TSPAN18: variants seen among roughly 807,000 people sequenced by gnomAD.
The protein encoded by TSPAN18 is tetraspanin-18.
Under a neutral mutation model 27.3 loss-of-function variants are expected in TSPAN18, and 14 were observed. That is an observed-to-expected ratio of 0.51 (90% confidence interval 0.34 to 0.80). The LOEUF is 0.80. Ranked by LOEUF, TSPAN18 falls within the 30% of genes least tolerant of loss-of-function variation. The pLI is 0.01. For synonymous variants in TSPAN18, 143 were observed against 136.5 expected (o/e 1.05, Z -0.33); for missense variants, 268 against 323.9 (o/e 0.83, Z 1.32).
At chr11:44,895,597 A>G (rs1332627962) in intron 3 of TSPAN18, among the ~76,000 whole-genome samples, 1 of 152,242 alleles carries the variant, frequency 6.6e-6, no homozygotes, top group African/African-American at 2.4e-5. Flanking sequence ...AAGTTAGTTC[A>G]GGGAAGTTGG....
At position 44,905,371 on chromosome 11, in the gene TSPAN18, A is replaced by G. The variant is rs369659197; in HGVS notation, c.-10-1036A>G. Among the ~76,000 whole-genome samples, 184 of 152,316 alleles carry G rather than the reference A, an allele frequency of 1.2e-3. 5 individuals carry two copies. The South Asian group carries it at 0.038, about 31-fold the overall frequency. On this transcript the variant is annotated intron_variant, in intron 3 of 9. Transcript: ENST00000520358. The stretch of plus-strand genomic sequence containing the variant: ...CAAACCCCCTGCTGGAAGCACCTGC[A>G]GTGCCGGCAGCTCAGGACTGGCTTG...
intron 2 of TSPAN18, among the ~76,000 whole-genome samples, chr11:44,808,559 G>A (rs924501685): frequency 3.3e-5 from 5 of 152,186 alleles, no homozygotes; most frequent in African/African-American, 1.2e-4. Flanking sequence ...AGGAGTGAGT[G>A]ACATGTACAA....
chr11:44,893,826 G>A (rs1309500456), intron 3 of TSPAN18, among the ~76,000 whole-genome samples: 1 of 152,186 alleles, frequency 6.6e-6, no homozygotes, highest in Non-Finnish European at 1.5e-5. Flanking sequence ...CTTAGTAAAT[G>A]CTGACCCTGT....
chr11:44,785,204 A>G (rs528062567), intron 2 of TSPAN18, among the ~76,000 whole-genome samples: 1 of 152,222 alleles, frequency 6.6e-6, no homozygotes, highest in Non-Finnish European at 1.5e-5. Context: ...TACACTGAAT[A>G]CATGAGTACC....
chr11:44,748,971 G>A (rs945634571), intron 1 of TSPAN18, among the ~76,000 whole-genome samples: 1 of 151,992 alleles, frequency 6.6e-6, no homozygotes, highest in Non-Finnish European at 1.5e-5. Flanking sequence ...GGTTAAGTGT[G>A]GATCCATTCC....
intron 2 of TSPAN18, among the ~76,000 whole-genome samples, chr11:44,841,633 C>T (rs2135166775): frequency 6.6e-6 from 1 of 152,266 alleles, no homozygotes; most frequent in Non-Finnish European, 1.5e-5. Context: ...GGAGGGGACC[C>T]TTGGGCTGGT....
At chr11:44,788,522 A>T (rs112634162) in intron 2 of TSPAN18, among the ~76,000 whole-genome samples, 1,669 of 135,076 alleles carry the variant, frequency 0.012, 34 homozygotes, top group African/African-American at 0.045. Context: ...CAATGGCGTG[A>T]TCTTGGCTCA....
At chr11:44,915,812 C>T (rs902638415) in intron 5 of TSPAN18, among the ~76,000 whole-genome samples, 1 of 152,210 alleles carries the variant, frequency 6.6e-6, no homozygotes, top group African/African-American at 2.4e-5. Context: ...CTTCAGCTTC[C>T]TCAACTTCGA....
intron 1 of TSPAN18, among the ~76,000 whole-genome samples, chr11:44,734,639 G>A (rs1854743609): frequency 6.6e-6 from 1 of 152,224 alleles, no homozygotes; most frequent in South Asian, 2.1e-4. Context: ...ACCTTGGGCT[G>A]GACTCTTGTG....
chr11:44,881,360 C>T (rs1343554090), intron 3 of TSPAN18, among the ~76,000 whole-genome samples: 4 of 152,148 alleles, frequency 2.6e-5, no homozygotes. Flanking sequence ...TCAGCCGCCG[C>T]CCCTGAACAC....
At chr11:44,774,747 C>T (rs1047820480) in intron 2 of TSPAN18, among the ~76,000 whole-genome samples, 2 of 152,202 alleles carry the variant, frequency 1.3e-5, no homozygotes, top group African/African-American at 4.8e-5. Flanking sequence ...GAAGGACTCA[C>T]CACCTGATAG....
intron 3 of TSPAN18, among the ~76,000 whole-genome samples, chr11:44,875,733 T>C (rs1213071277): frequency 6.6e-6 from 1 of 152,258 alleles, no homozygotes; most frequent in Admixed American, 6.5e-5. Flanking sequence ...TCATTTCCTG[T>C]GAGCCTCAGT....
chr11:44,919,438 C>T, intron 7 of TSPAN18, 126 bp downstream of exon 7: 1 of 837,100 alleles, frequency 1.2e-6, no homozygotes, highest in Non-Finnish European at 2.0e-6. Context: ...GCCTTGGAAT[C>T]ACCATCCACG....
At chr11:44,826,857 C>T (rs1019123272) in intron 2 of TSPAN18, among the ~76,000 whole-genome samples, 1 of 152,168 alleles carries the variant, frequency 6.6e-6, no homozygotes, top group Non-Finnish European at 1.5e-5. Flanking sequence ...GGATTTTACT[C>T]TCTTTCTGTA....
intron 3 of TSPAN18, among the ~76,000 whole-genome samples, chr11:44,873,968 C>A (rs927254069): frequency 1.3e-5 from 2 of 152,210 alleles, no homozygotes; most frequent in South Asian, 2.1e-4. Context: ...CCTCTCCAGG[C>A]CAGCTGGGTG....
At chr11:44,910,437 C>A (rs1310358621) in intron 5 of TSPAN18, among the ~76,000 whole-genome samples, 1 of 152,242 alleles carries the variant, frequency 6.6e-6, no homozygotes, top group Non-Finnish European at 1.5e-5. Flanking sequence ...TTGCAGTGGG[C>A]CCGTGCCTGC....
intron 2 of TSPAN18, among the ~76,000 whole-genome samples, chr11:44,802,673 G>A (rs1856509224): frequency 6.6e-6 from 1 of 151,002 alleles, no homozygotes; most frequent in African/African-American, 2.4e-5. Flanking sequence ...CTGGGGAAGA[G>A]GTGGCTGGGG....
intron 2 of TSPAN18, among the ~76,000 whole-genome samples, chr11:44,857,179 C>G: frequency 6.6e-6 from 1 of 152,170 alleles, no homozygotes. Flanking sequence ...TCAAGTCTCC[C>G]TGGGGAACTC....
chr11:44,909,822 A>C lies in TSPAN18; in HGVS notation c.181A>C (p.Met61Leu). 7 of 1,613,740 alleles carry C rather than the reference A, an allele frequency of 4.3e-6. No individual in the cohort carries two copies. Among genetic ancestry groups the C allele is most frequent in the Non-Finnish European group, 5.9e-6 (7 of 1,179,912 alleles). Residue 61 changes from methionine to leucine, a missense_variant, in exon 5 of 10, where the codon ATG becomes CTG. Coordinates refer to ENST00000520358, the MANE Select transcript of TSPAN18 (RefSeq NM_130783.5). The part of the protein sequence containing the change: ...LLTGAYILLA[M>L]GGLLFLLGFL... ...CACGGGCGCCTACATCCTCCTGGCC[A>C]TGGGGGGCCTGCTCTTTCTGCTCGG...
Sources: gnomAD v4.1 joint callset for allele counts (sites outside exome capture counted in the v4.1 genomes callset) on GRCh38, gnomAD v4.1.1 for gene constraint, MANE v1.5 for transcripts, NCBI Gene and HGNC (gene_info 2026-07-23, HGNC 2026-07-21) for gene names.